SLFN12L: variants seen among roughly 807,000 people sequenced by gnomAD.
SLFN12L encodes schlafen family member 12-like.
In SLFN12L, 34 loss-of-function variants were observed where a neutral mutation model predicts 34.8. The observed-to-expected ratio is 0.98, with a 90% CI of 0.74 to 1.30. The LOEUF (loss-of-function observed/expected upper bound fraction) is 1.30, where lower values mean the gene tolerates loss of function less well. SLFN12L is among the 50% of genes most tolerant of loss of function. The probability of loss-of-function intolerance (pLI) is 0.00; values close to 1 mark genes in which losing one functional copy is unlikely to be tolerated. For synonymous variants in SLFN12L, 259 were observed against 247.5 expected (o/e 1.05, Z -0.44); for missense variants, 703 against 696.2 (o/e 1.01, Z -0.11).
chr17:35,535,960 C>CTTGTTTGT (rs1359272334), intron 1 of SLFN12L, among the ~76,000 whole-genome samples: 4 of 109,892 alleles, frequency 3.6e-5, no homozygotes, highest in Middle Eastern at 9.7e-3. Flanking sequence ...CCGGCCCTGG[C>CTTGTTTGT]TAGTTTGTTT....
chr17:35,480,690 A>T (rs189738398), intron 2 of SLFN12L, among the ~76,000 whole-genome samples: 231 of 152,242 alleles, frequency 1.5e-3, no homozygotes, highest in African/African-American at 5.1e-3. Context: ...CAGCAATAAT[A>T]ATCTTAATTA....
In SLFN12L at chr17:35,527,688, C is replaced by T. The variant is rs529129392; in HGVS notation, c.-605-4719G>A. Among the ~76,000 whole-genome samples the T allele has an allele frequency of 8.5e-5, 13 of 152,128 alleles. No homozygotes were observed. The East Asian group carries it at 1.5e-3, about 18-fold the overall frequency. On this transcript the variant is annotated intron_variant, in intron 1 of 4. Transcript: ENST00000628453. ...TAAAAATTCTCAATAAACTAGGTAT[C>T]GATGGAACGTACCTCAAAATAATAA...
intron 2 of SLFN12L, among the ~76,000 whole-genome samples, chr17:35,504,299 T>A (rs1436092904): frequency 1.3e-5 from 2 of 152,200 alleles, no homozygotes; most frequent in Non-Finnish European, 2.9e-5. Context: ...GTTTTTATGC[T>A]GTAGTTGGTC....
rs8076783 is a variant in SLFN12L at position 35,472,955 on chromosome 17, C to T, written c.*1968G>A. Among the ~76,000 whole-genome samples, 5,683 of 152,094 alleles carry T rather than the reference C, an allele frequency of 0.037. 251 individuals are homozygous for T. Among genetic ancestry groups the T allele is most frequent in the East Asian group, 0.14 (719 of 5,172 alleles). ...ACTCATGATTTGGCTCTCTGCTTGTCTATTGTTGGTGTAATGGAATGCTTG... is the reference window on the plus strand; with the variant it reads ...ACTCATGATTTGGCTCTCTGCTTGTTTATTGTTGGTGTAATGGAATGCTTG... On this transcript the variant is annotated 3_prime_UTR_variant, in exon 5 of 5. Transcript: ENST00000628453.
intron 1 of SLFN12L, among the ~76,000 whole-genome samples, chr17:35,531,620 A>G (rs2072411722): frequency 1.3e-5 from 2 of 151,208 alleles, no homozygotes; most frequent in Non-Finnish European, 2.9e-5. Flanking sequence ...TTACTTATTT[A>G]TTTATTTATT....
intron 1 of SLFN12L, among the ~76,000 whole-genome samples, chr17:35,536,145 C>T (rs1391802592): frequency 6.6e-6 from 1 of 152,158 alleles, no homozygotes; most frequent in Non-Finnish European, 1.5e-5. Flanking sequence ...AATCATTGTG[C>T]AAACTGGTCT....
chr17:35,498,179 C>T (rs1915158695), intron 2 of SLFN12L: 6 of 674,212 alleles, frequency 8.9e-6, no homozygotes, highest in South Asian at 3.2e-5. Flanking sequence ...CGGGAGGCGG[C>T]GGCGTGGGGA....
In SLFN12L at chr17:35,475,923, A is replaced by T. The variant is rs543943938; in HGVS notation, c.1277-438T>A. Among the ~76,000 whole-genome samples the T allele has an allele frequency of 2.9e-3, 414 of 142,940 alleles. 6 individuals carry two copies. The East Asian group carries it at 0.054, about 19-fold the overall frequency. The allele number at this position is 142,940 out of a possible 152,430, so 93.8% of individuals were successfully genotyped here. ...TCAAAAAAATTCTACATATATATATATTTTTTTAAATTTATATATATGTAT... is the reference window on the plus strand; with the variant it reads ...TCAAAAAAATTCTACATATATATATTTTTTTTTAAATTTATATATATGTAT... On this transcript the variant is annotated intron_variant, in intron 4 of 4. Transcript: ENST00000628453.
chr17:35,519,500 G>C (rs1428517261), intron 2 of SLFN12L, among the ~76,000 whole-genome samples: 1 of 152,124 alleles, frequency 6.6e-6, no homozygotes, highest in Non-Finnish European at 1.5e-5. Flanking sequence ...GAATGAATGA[G>C]TAAATGGAGA....
rs1555540824 is a variant in SLFN12L, at chr17:35,487,477, C to CG, written c.87-7283_87-7282insC. 2.6e-5 allele frequency among the ~76,000 whole-genome samples: 4 copies of CG among 152,286 alleles called. No homozygotes were observed. In the East Asian group the frequency reaches 7.8e-4, roughly 30 times the overall value. On this transcript the variant is annotated intron_variant, in intron 2 of 4. Transcript: ENST00000628453. Reference sequence around the variant, plus strand: ...GTCCCGGAGCCCACGGACCACCCCCCCCGGACCCCCGGAATAAGAAACGGA... The same window carrying CG: ...GTCCCGGAGCCCACGGACCACCCCCCGCCGGACCCCCGGAATAAGAAACGGA...
intron 1 of SLFN12L, among the ~76,000 whole-genome samples, chr17:35,529,264 C>T (rs1176100134): frequency 6.6e-6 from 1 of 152,116 alleles, no homozygotes; most frequent in Non-Finnish European, 1.5e-5. Context: ...AAATTAGTTC[C>T]ACCATTGTGG....
At chr17:35,535,808 A>T (rs1236550409) in intron 1 of SLFN12L, among the ~76,000 whole-genome samples, 1 of 151,834 alleles carries the variant, frequency 6.6e-6, no homozygotes, top group Non-Finnish European at 1.5e-5. Context: ...GGCACGCACC[A>T]CCACTCCCAG....
rs1331167794 is a variant in SLFN12L, at chr17:35,496,500, G to A, written c.87-16305C>T. ...CTCCCTCCCTACCCTTCCTTCTTCCGACTTCCCCCCTCCCCACCGTCCCTC... is the reference window on the plus strand; with the variant it reads ...CTCCCTCCCTACCCTTCCTTCTTCCAACTTCCCCCCTCCCCACCGTCCCTC... On this transcript the variant is annotated intron_variant, in intron 2 of 4. Coordinates refer to ENST00000628453, the MANE Select transcript of SLFN12L (RefSeq NM_001363830.2). Among the ~76,000 whole-genome samples the A allele has an allele frequency of 2.3e-5, 3 of 129,268 alleles. No homozygotes were observed. In the East Asian group the frequency reaches 7.9e-4, roughly 34 times the overall value. The allele number at this position is 129,268 out of a possible 152,430, so 84.8% of individuals were successfully genotyped here.
At chr17:35,496,503 T>A (rs1459174782) in intron 2 of SLFN12L, among the ~76,000 whole-genome samples, 1 of 139,660 alleles carries the variant, frequency 7.2e-6, no homozygotes, top group African/African-American at 2.6e-5. Flanking sequence ...TTCTTCCGAC[T>A]TCCCCCCTCC....
In SLFN12L at chr17:35,487,940, G is replaced by C. The variant is rs551999552; in HGVS notation, c.87-7745C>G. The C allele has an allele frequency of 5.2e-4, 364 of 699,202 alleles. 1 individual carries two copies. Among genetic ancestry groups the C allele is most frequent in the Non-Finnish European group, 1.2e-4 (45 of 385,392 alleles). The allele number at this position is 699,202 out of a possible 1,614,324, so 43.3% of individuals were successfully genotyped here. A position where few individuals can be genotyped will look rare whatever the true frequency, so the allele number is the denominator to read the frequency against. The stretch of plus-strand genomic sequence containing the variant: ...CTGCGAATCCAACGACGGGCGCGGT[G>C]ACTCACGCCTGTAATCCCAGCACTT... On this transcript the variant is annotated intron_variant, in intron 2 of 4. Coordinates refer to ENST00000628453, the MANE Select transcript of SLFN12L (RefSeq NM_001363830.2).
At chr17:35,515,935 C>T (rs993081749) in intron 2 of SLFN12L, among the ~76,000 whole-genome samples, 4 of 152,058 alleles carry the variant, frequency 2.6e-5, no homozygotes, top group Non-Finnish European at 5.9e-5. Context: ...AGCCACCGCA[C>T]CCCGCCAGTG....
rs1597824241 is a variant in SLFN12L at position 35,473,967 on chromosome 17, G to A, written c.*956C>T. On this transcript the variant is annotated 3_prime_UTR_variant, in exon 5 of 5. Transcript: ENST00000628453. ...AGAGTCTTGCTCTCTTGCCCAAGCT[G>A]GAGTGCAGTGGTGTGGTCTTGGCTC... The A allele has an allele frequency of 1.3e-5, 2 of 152,318 alleles. No individual in the cohort carries two copies. The highest frequency in any genetic ancestry group is 1.3e-4 in the Admixed American group (2 of 15,302). 9.4% of individuals were successfully genotyped at this position (152,318 alleles called of 1,614,324 possible).
intron 2 of SLFN12L, among the ~76,000 whole-genome samples, chr17:35,486,738 G>T (rs957030587): frequency 6.6e-6 from 1 of 152,102 alleles, no homozygotes. Flanking sequence ...TGACTATAGG[G>T]GAAATTCTAT....
chr17:35,470,919 T>G lies in SLFN12L; in HGVS notation c.*4004A>C, dbSNP rs200515101. On this transcript the variant is annotated 3_prime_UTR_variant, in exon 5 of 5. Coordinates refer to ENST00000628453, the MANE Select transcript of SLFN12L (RefSeq NM_001363830.2). ...GAGTGAGAACATGTAGTGTTTCATT[T>G]TCTGTTCCCATGTTAGTTTGCTGAG... Among the ~76,000 whole-genome samples, 165 of 152,262 alleles carry G rather than the reference T, an allele frequency of 1.1e-3. 1 individual carries two copies. The East Asian group carries it at 0.023, about 21-fold the overall frequency.
Sources: gnomAD v4.1 joint callset for allele counts (sites outside exome capture counted in the v4.1 genomes callset) on GRCh38, gnomAD v4.1.1 for gene constraint, MANE v1.5 for transcripts, NCBI Gene and HGNC (gene_info 2026-07-23, HGNC 2026-07-21) for gene names.